Variants in ACSL6 observed in about 807,000 individuals in gnomAD.
The protein encoded by ACSL6 is long-chain-fatty-acid--CoA ligase 6.
In ACSL6, 47 loss-of-function variants were observed where a neutral mutation model predicts 98.2. The observed-to-expected ratio is 0.48, with a 90% CI of 0.38 to 0.61. The LOEUF (loss-of-function observed/expected upper bound fraction) is 0.61, where lower values mean the gene tolerates loss of function less well. Ranked by LOEUF, ACSL6 falls within the 20% of genes least tolerant of loss-of-function variation. The pLI, the probability that ACSL6 is intolerant of heterozygous loss-of-function variation, is 0.00. For missense variants in ACSL6, 761 were observed against 913.4 expected, an observed-to-expected ratio of 0.83 and a Z score of 2.15; for synonymous variants, 362 against 336.9, an observed-to-expected ratio of 1.07 and a Z score of -0.82.
intron 10 of ACSL6, 45 bp from the exon 11 acceptor site, chr5:131,975,015 C>T (rs371617363): frequency 1.3e-6 from 2 of 1,599,002 alleles, no homozygotes; most frequent in Non-Finnish European, 1.7e-6. Context: ...GAAACACTGA[C>T]AGGAAGACGA....
At position 131,990,869 on chromosome 5, in the gene ACSL6, A is replaced by G. The variant is rs1429646607; in HGVS notation, c.369T>C (p.Arg123=). 3 of 1,610,644 alleles carry G rather than the reference A, an allele frequency of 1.9e-6. No homozygotes were observed. The South Asian group carries it at 3.3e-5, about 18-fold the overall frequency. The change falls in exon 3 of 21, where the codon CGT becomes CGC. Residue 123 remains arginine, a synonymous_variant. Coordinates refer to ENST00000651883, the MANE Select transcript of ACSL6 (RefSeq NM_001009185.3). ...CCTTCTCACCTGAGATGCTAAGCCCACGGCGGAACACCTGGTACATGGTCC... is the reference window on the plus strand; with the variant it reads ...CCTTCTCACCTGAGATGCTAAGCCCGCGGCGGAACACCTGGTACATGGTCC... The part of the protein sequence containing the change: ...DARTMYQVFR[R]GLSISGNGPC...
intron 6 of ACSL6, 84 bp downstream of exon 6, chr5:131,988,721 A>G: frequency 6.4e-7 from 1 of 1,566,356 alleles, no homozygotes; most frequent in Non-Finnish European, 8.8e-7. Context: ...TACGAGTGTC[A>G]GACAATCAGC....
intron 18 of ACSL6, among the ~76,000 whole-genome samples, chr5:131,961,869 G>T (rs1267652348): frequency 2.6e-5 from 4 of 151,724 alleles, no homozygotes; most frequent in African/African-American, 7.3e-5. Flanking sequence ...AAGTTCATTT[G>T]CATATTAAAA....
chr5:131,966,621 C>T (rs911901261), intron 16 of ACSL6, 89 bp from the exon 17 acceptor site: 3 of 1,129,624 alleles, frequency 2.7e-6, no homozygotes, highest in Admixed American at 1.7e-5. Context: ...AGATAAGGTG[C>T]ACTACCCATC....
chr5:131,955,683 T>C (rs182207091), intron 20 of ACSL6, among the ~76,000 whole-genome samples: 1 of 152,372 alleles, frequency 6.6e-6, no homozygotes, highest in Admixed American at 6.5e-5. Context: ...ACTGCTCTTA[T>C]GTTTTGTGCA....
Position 131,957,378 on chromosome 5 carries a change from T to C in ACSL6, c.2031+2158A>G, listed in dbSNP as rs918060252. The stretch of plus-strand genomic sequence containing the variant: ...TGCCTATGCAAATTAATAAGGCATA[T>C]AAATGTCAAACAAATGGTTAAATCA... On this transcript the variant is annotated intron_variant, in intron 20 of 20. Transcript: ENST00000651883. Among the ~76,000 whole-genome samples the C allele has an allele frequency of 6.6e-4, 100 of 152,234 alleles. 2 individuals are homozygous for C.
intron 12 of ACSL6, 77 bp from the exon 13 acceptor site, chr5:131,972,935 C>A: frequency 6.3e-7 from 1 of 1,595,596 alleles, no homozygotes; most frequent in East Asian, 2.2e-5. Flanking sequence ...GAATAAGGCC[C>A]AGACTGGCCA....
Position 131,985,268 on chromosome 5 carries a change from C to CG in ACSL6, c.916+138_916+139insC, listed in dbSNP as rs1561796558. The CG allele has an allele frequency of 1.3e-4, 136 of 1,046,566 alleles. No homozygotes were observed. In the African/African-American group the frequency reaches 2.0e-3, roughly 16 times the overall value. The allele number at this position is 1,046,566 out of a possible 1,614,324, so 64.8% of individuals were successfully genotyped here. A position where few individuals can be genotyped will look rare whatever the true frequency, so the allele number is the denominator to read the frequency against. The stretch of plus-strand genomic sequence containing the variant: ...CAGGGCACTGGGAGGTGCAGGAGGT[C>CG]ACCCAGTGTCTGGAGCCAGGAACAA... On this transcript the variant is annotated intron_variant, in intron 9 of 20. Transcript: ENST00000651883.
At chr5:131,965,953 CAACTGCTGGCAAAGCCACAGGAACTAA>C (rs1346707606) in intron 17 of ACSL6, among the ~76,000 whole-genome samples, 1 of 152,154 alleles carries the variant, frequency 6.6e-6, no homozygotes, top group Non-Finnish European at 1.5e-5. Context: ...GTTACATGAG[CAACTGCTGGCAAAGCCACAGGAACTAA>C]GGCATTCTCC....
intron 9 of ACSL6, chr5:131,984,232 C>T (rs1754047262): frequency 6.6e-6 from 1 of 152,212 alleles, no homozygotes. Context: ...AAAAATCTAT[C>T]TATATTCAAT....
chr5:131,985,013 C>T (rs1056589504), intron 9 of ACSL6: 22 of 240,888 alleles, frequency 9.1e-5, no homozygotes, highest in Admixed American at 7.0e-4. Context: ...GGCTCTCAGA[C>T]GCCAAACCTC....
Position 131,988,812 on chromosome 5 carries a change from G to A in ACSL6, c.645C>T (p.Ile215=). 6.2e-7 allele frequency: 1 copy of A among 1,613,902 alleles called. No homozygotes were observed. The change falls in exon 6 of 21, where the codon ATC becomes ATT. Residue 215 remains isoleucine, a synonymous_variant. Coordinates refer to ENST00000651883, the MANE Select transcript of ACSL6 (RefSeq NM_001009185.3). ...TLGPGAIRYI[I]NTADISTVIV... Reference sequence around the variant, plus strand: ...GGGTGGCAGTGGGCTTACCTGTATTGATGATGTAGCGGATAGCCCCAGGGC... The same window carrying A: ...GGGTGGCAGTGGGCTTACCTGTATTAATGATGTAGCGGATAGCCCCAGGGC...
At chr5:131,985,267 TC>T (rs764499641) in intron 9 of ACSL6, 139 bp downstream of exon 9, 2 of 524,624 alleles carry the variant, frequency 3.8e-6, no homozygotes, top group Non-Finnish European at 5.1e-6. Flanking sequence ...GTGCAGGAGG[TC>T]ACCCAGTGTC....
At chr5:131,971,222 G>A (rs1753289020) in intron 14 of ACSL6, among the ~76,000 whole-genome samples, 1 of 152,176 alleles carries the variant, frequency 6.6e-6, no homozygotes, top group Non-Finnish European at 1.5e-5. Flanking sequence ...GGCTGAAGAA[G>A]GTAGAGATGC....
intron 20 of ACSL6, among the ~76,000 whole-genome samples, chr5:131,956,945 A>C (rs1752440725): frequency 6.6e-6 from 1 of 152,202 alleles, no homozygotes; most frequent in Non-Finnish European, 1.5e-5. Flanking sequence ...CTTTTCACTG[A>C]AAAGAGATGC....
intron 1 of ACSL6, among the ~76,000 whole-genome samples, chr5:131,994,941 C>T (rs1754718413): frequency 1.3e-5 from 2 of 152,226 alleles, no homozygotes; most frequent in Admixed American, 1.3e-4. Context: ...GTGCTATCCT[C>T]CCTGATCCCT....
intron 1 of ACSL6, among the ~76,000 whole-genome samples, chr5:132,000,540 T>C (rs1755031315): frequency 6.6e-6 from 1 of 151,884 alleles, no homozygotes; most frequent in Non-Finnish European, 1.5e-5. Context: ...TTCCATAGCA[T>C]TTTCACTACT....
chr5:131,958,018 C>T (rs139284183), intron 20 of ACSL6, among the ~76,000 whole-genome samples: 113 of 152,290 alleles, frequency 7.4e-4, no homozygotes, highest in South Asian at 6.2e-3. Context: ...AGAAACTCTG[C>T]GAAAGGCATG....
rs370573100 is a variant in ACSL6, at chr5:131,971,658, A to C, written c.1339-13T>G. On this transcript the variant is annotated splice_polypyrimidine_tract_variant and intron_variant, in intron 13 of 20. Transcript: ENST00000651883. ...CACCAAGACTGGCCTGTGGGAAGAA[A>C]GAAGAGCTGCCAAATTTTGTGATGT... 6.3e-7 allele frequency: 1 copy of C among 1,592,210 alleles called. No individual in the cohort carries two copies. The highest frequency in any genetic ancestry group is 8.6e-7 in the Non-Finnish European group (1 of 1,168,366).
Sources: allele counts gnomAD v4.1 joint callset (sites outside exome capture counted in the v4.1 genomes callset), GRCh38; gene constraint gnomAD v4.1.1; transcripts MANE v1.5; gene names NCBI Gene and HGNC (gene_info 2026-07-23, HGNC 2026-07-21).